The following SPATA7 variants were observed in gnomAD, a reference collection of about 807,000 sequenced individuals.
SPATA7 encodes the protein spermatogenesis-associated protein 7.
Under a neutral mutation model 51.8 loss-of-function variants are expected in SPATA7, and 43 were observed. That is an observed-to-expected ratio of 0.83 (90% CI 0.65 to 1.07). The LOEUF (loss-of-function observed/expected upper bound fraction) is 1.07. Among genes scored for constraint, SPATA7 ranks in the 50% least tolerant of loss-of-function variants. SPATA7 has a pLI of 0.00. For missense variants in SPATA7, 683 were observed against 701.3 expected (o/e 0.97, Z 0.30); for synonymous variants, 230 against 252.8 (o/e 0.91, Z 0.86).
At chr14:88,455,022 G>C (rs1261437456) in intron 3 of SPATA7, 1 of 454,984 alleles carries the variant, frequency 2.2e-6, no homozygotes, top group Non-Finnish European at 4.4e-6. Context: ...AAAATATTTA[G>C]ATCTGGGTCA....
At chr14:88,399,253 TATAGGTC>T (rs2075990055) in intron 4 of SPATA7, among the ~76,000 whole-genome samples, 1 of 152,042 alleles carries the variant, frequency 6.6e-6, no homozygotes, top group African/African-American at 2.4e-5. Context: ...AACTACCAGC[TATAGGTC>T]ATAGCTACAA....
intron 3 of SPATA7, among the ~76,000 whole-genome samples, chr14:88,447,943 G>GAC (rs2077225861): frequency 6.6e-6 from 1 of 150,876 alleles, no homozygotes; most frequent in Admixed American, 6.6e-5. Flanking sequence ...CAACTTTGGT[G>GAC]AATCTGACAA....
chr14:88,437,653 G>T, intron 11 of SPATA7, 56 bp downstream of exon 11: 1 of 1,465,436 alleles, frequency 6.8e-7, no homozygotes, highest in South Asian at 1.2e-5. Flanking sequence ...ATAATTGTAT[G>T]GTTTTTTTCA....
rs2075548146 is a variant in SPATA7 at position 88,385,699 on chromosome 14, G to A, written c.-120G>A. The A allele has an allele frequency of 2.0e-6, 2 of 990,504 alleles. No individual in the cohort carries two copies. Among genetic ancestry groups the A allele is most frequent in the Non-Finnish European group, 3.1e-6 (2 of 638,912 alleles). 61.4% of individuals were successfully genotyped at this position (990,504 alleles called of 1,614,324 possible). A position where few individuals can be genotyped will look rare whatever the true frequency, so the allele number is the denominator to read the frequency against. ...GCAACGGCCTGGCAACGGTTTCCCT[G>A]CTGCTGCAGCCCCCGTCGGCTCCTC... is the stretch of plus-strand genomic sequence containing the variant. On this transcript the variant is annotated 5_prime_UTR_variant, in exon 1 of 12. Transcript: ENST00000393545.
Position 88,426,652 on chromosome 14 carries a change from A to G in SPATA7, c.793A>G (p.Lys265Glu), listed in dbSNP as rs553234090. ...QYRYYTPAKRKKDFTDQRIEA... is the reference protein window; with the variant it reads ...QYRYYTPAKREKDFTDQRIEA... The stretch of plus-strand genomic sequence containing the variant: ...TCGCTATTATACACCTGCCAAAAGA[A>G]AAAAGGATTTTACAGATCAACGGAT... Residue 265 changes from lysine (K) to glutamate (E), a missense_variant, in exon 6 of 12, where the codon AAA becomes GAA. Transcript: ENST00000393545. 7.4e-6 allele frequency: 12 copies of G among 1,613,918 alleles called. No homozygotes were observed. The highest frequency in any genetic ancestry group is 1.3e-5 in the African/African-American group (1 of 74,940).
At chr14:88,428,890 T>A (rs73327447) in intron 7 of SPATA7, 1 of 176,632 alleles carries the variant, frequency 5.7e-6, no homozygotes, top group African/African-American at 2.4e-5. Context: ...GTTTGTGGTG[T>A]GTAGTAAGGA....
rs944475050 is a variant in SPATA7, at chr14:88,389,702, C to G, written c.20-1679C>G. 2.2e-4 allele frequency among the ~76,000 whole-genome samples: 34 copies of G among 152,262 alleles called. No individual in the cohort carries two copies. In the East Asian group the frequency reaches 6.2e-3, roughly 28 times the overall value. ...ATTCCTGGGGCCAAATATTAACCAC[C>G]TTGTTCACAGCTGTCACTTACAGAT... is the stretch of plus-strand genomic sequence containing the variant. On this transcript the variant is annotated intron_variant, in intron 1 of 11. Transcript: ENST00000393545.
chr14:88,401,363 C>A (rs2076051704), intron 4 of SPATA7, among the ~76,000 whole-genome samples: 1 of 152,124 alleles, frequency 6.6e-6, no homozygotes, highest in Non-Finnish European at 1.5e-5. Context: ...AGCATGAAAG[C>A]TATATATGAA....
intron 4 of SPATA7, among the ~76,000 whole-genome samples, chr14:88,460,695 T>A (rs923896143): frequency 3.9e-5 from 6 of 152,196 alleles, no homozygotes; most frequent in African/African-American, 1.2e-4. Flanking sequence ...GTCTGAAGCC[T>A]TCTTCTCTCA....
At chr14:88,427,537 C>G in intron 6 of SPATA7, 93 bp from the exon 7 acceptor site, 2 of 821,332 alleles carry the variant, frequency 2.4e-6, no homozygotes. Flanking sequence ...GGGTCTCATT[C>G]TTTTTGAGTT....
intron 3 of SPATA7, among the ~76,000 whole-genome samples, chr14:88,447,071 G>A (rs1251051020): frequency 6.6e-6 from 1 of 151,794 alleles, no homozygotes; most frequent in Non-Finnish European, 1.5e-5. Flanking sequence ...TGTGTCTAAT[G>A]TTGACAGTGG....
intron 5 of SPATA7, among the ~76,000 whole-genome samples, chr14:88,423,609 A>C (rs183226942): frequency 3.5e-4 from 53 of 152,082 alleles, no homozygotes; most frequent in African/African-American, 1.2e-3. Flanking sequence ...ATCAAGAGCT[A>C]TATTTGTTTT....
chr14:88,454,994 C>A, intron 3 of SPATA7: 2 of 445,328 alleles, frequency 4.5e-6, no homozygotes, highest in Non-Finnish European at 9.0e-6. Context: ...TGGGCCCCAT[C>A]CCCATAGCTT....
At chr14:88,453,131 A>G (rs1466180788) in intron 3 of SPATA7, among the ~76,000 whole-genome samples, 1 of 152,230 alleles carries the variant, frequency 6.6e-6, no homozygotes, top group Non-Finnish European at 1.5e-5. Context: ...TCTAGACTGT[A>G]AGATTCTCAA....
At chr14:88,392,134 T>C (rs1309745344) in intron 2 of SPATA7, among the ~76,000 whole-genome samples, 1 of 152,176 alleles carries the variant, frequency 6.6e-6, no homozygotes, top group Non-Finnish European at 1.5e-5. Context: ...AAGTTTATGA[T>C]TGTGGCTATG....
intron 5 of SPATA7, among the ~76,000 whole-genome samples, chr14:88,421,726 G>A (rs1216865456): frequency 2.0e-5 from 3 of 152,066 alleles, no homozygotes; most frequent in South Asian, 2.1e-4. Context: ...TGAGGCGGGC[G>A]GATCACAAGG....
chr14:88,388,487 T>C (rs931264888), intron 1 of SPATA7, among the ~76,000 whole-genome samples: 15 of 152,214 alleles, frequency 9.9e-5, no homozygotes, highest in Non-Finnish European at 1.8e-4. Context: ...TACTTCTCCA[T>C]GCCCCTTTGG....
At chr14:88,425,146 A>G (rs1178072360) in intron 5 of SPATA7, among the ~76,000 whole-genome samples, 2 of 152,114 alleles carry the variant, frequency 1.3e-5, no homozygotes, top group African/African-American at 4.8e-5. Context: ...TAATTGTACT[A>G]CCTCTCAGAA....
At chr14:88,467,509 TAA>T (rs1248984903) in intron 4 of SPATA7, 2 of 152,192 alleles carry the variant, frequency 1.3e-5, no homozygotes, top group African/African-American at 4.8e-5. Flanking sequence ...ATTTTTAGGA[TAA>T]AAAATGTTCT....
Sources: gnomAD v4.1 joint callset for allele counts (sites outside exome capture counted in the v4.1 genomes callset) on GRCh38, gnomAD v4.1.1 for gene constraint, MANE v1.5 for transcripts, NCBI Gene and HGNC (gene_info 2026-07-23, HGNC 2026-07-21) for gene names.